GLRB: variants seen among roughly 807,000 people sequenced by gnomAD.
The protein encoded by GLRB is glycine receptor beta, also known as glycine receptor subunit beta.
In GLRB, 33 loss-of-function variants were observed where a neutral mutation model predicts 54.2. The ratio of observed to expected loss-of-function variants is 0.61; its 90% CI spans 0.46 to 0.81. The LOEUF is 0.81. Ranked by LOEUF, GLRB falls within the 40% of genes least tolerant of loss-of-function variation. The probability of loss-of-function intolerance (pLI) is 0.00; values close to 1 mark genes in which losing one functional copy is unlikely to be tolerated. For missense variants in GLRB, 572 were observed against 584.6 expected, an observed-to-expected ratio of 0.98 and a Z score of 0.22; for synonymous variants, 209 against 208.2, an observed-to-expected ratio of 1.00 and a Z score of -0.03.
chr4:157,146,178 A>G lies in GLRB; in HGVS notation c.904+2219A>G, dbSNP rs544117016. ...ATTACAGGCACCCACCACCATGCCC[A>G]GCTAATTTTTGTATTTTTAGTAGAG... is the stretch of plus-strand genomic sequence containing the variant. On this transcript the variant is annotated intron_variant, in intron 8 of 9. Coordinates refer to ENST00000264428, the MANE Select transcript of GLRB (RefSeq NM_000824.5). Among the ~76,000 whole-genome samples the G allele has an allele frequency of 5.6e-3, 852 of 151,886 alleles. 9 individuals carry two copies. The highest frequency in any genetic ancestry group is 8.6e-3 in the Non-Finnish European group (586 of 67,932).
At position 157,152,716 on chromosome 4, in the gene GLRB, A is replaced by T; in HGVS notation, c.905-2A>T. On this transcript the variant is annotated splice_acceptor_variant, in intron 8 of 9. Transcript: ENST00000264428. LOFTEE classifies it high-confidence loss of function. The stretch of plus-strand genomic sequence containing the variant: ...CTTTCATTCCTCTTTCTGTTTCTGT[A>T]GGTATCTTCTCAGTCCTCAGCTTGG... The T allele has an allele frequency of 6.2e-7, 1 of 1,611,980 alleles. No individual in the cohort carries two copies. Among genetic ancestry groups the T allele is most frequent in the Non-Finnish European group, 8.5e-7 (1 of 1,178,124 alleles).
chr4:157,129,001 TAAC>T lies in GLRB; in HGVS notation c.297+6609_297+6611del, dbSNP rs772258738. Among the ~76,000 whole-genome samples the T allele has an allele frequency of 9.9e-5, 15 of 152,010 alleles. No homozygotes were observed. In the South Asian group the frequency reaches 2.1e-3, roughly 21 times the overall value. On this transcript the variant is annotated intron_variant, in intron 4 of 9. Coordinates refer to ENST00000264428, the MANE Select transcript of GLRB (RefSeq NM_000824.5). ...TAAAGATTATATATGTGAGCTATTCTAACAACATTACAAAATATAAACAGTTCT... is the reference window on the plus strand; with the variant it reads ...TAAAGATTATATATGTGAGCTATTCTAACATTACAAAATATAAACAGTTCT...
At chr4:157,123,725 A>G (rs1735914834) in intron 4 of GLRB, among the ~76,000 whole-genome samples, 1 of 151,814 alleles carries the variant, frequency 6.6e-6, no homozygotes, top group South Asian at 2.1e-4. Context: ...AGTAAGAGAT[A>G]TCATTTTCTC....
At chr4:157,110,986 A>T (rs1410598939) in intron 2 of GLRB, among the ~76,000 whole-genome samples, 1 of 152,030 alleles carries the variant, frequency 6.6e-6, no homozygotes, top group African/African-American at 2.4e-5. Context: ...CCCCAAGAAG[A>T]ATCTGGGCAC....
At chr4:157,156,243 T>A (rs76039254) in intron 9 of GLRB, among the ~76,000 whole-genome samples, 191 of 152,300 alleles carry the variant, frequency 1.3e-3, no homozygotes, top group African/African-American at 4.5e-3. Context: ...ATGGGATGTG[T>A]TTCCATTTGT....
At chr4:157,104,424 A>G (rs897360405) in intron 2 of GLRB, among the ~76,000 whole-genome samples, 1 of 152,116 alleles carries the variant, frequency 6.6e-6, no homozygotes, top group Middle Eastern at 3.4e-3. Context: ...GTCATGGTGT[A>G]TGATCCTTTT....
At chr4:157,120,026 A>G (rs1160336716) in intron 2 of GLRB, among the ~76,000 whole-genome samples, 1 of 151,796 alleles carries the variant, frequency 6.6e-6, no homozygotes, top group Non-Finnish European at 1.5e-5. Context: ...AATGTGGCAC[A>G]TATACACCAT....
intron 9 of GLRB, among the ~76,000 whole-genome samples, chr4:157,162,580 T>C (rs61366992): frequency 0.015 from 2,234 of 152,298 alleles, 67 homozygotes; most frequent in African/African-American, 0.051. Context: ...TGCAGGTCTG[T>C]TGGAGTTTGC....
At chr4:157,090,178 G>C (rs1259499375) in intron 2 of GLRB, among the ~76,000 whole-genome samples, 2 of 152,128 alleles carry the variant, frequency 1.3e-5, no homozygotes, top group Non-Finnish European at 2.9e-5. Flanking sequence ...CATGTTTAGG[G>C]ACACAAAGAG....
chr4:157,139,121 G>A (rs1004762412), intron 7 of GLRB, among the ~76,000 whole-genome samples, 172 bp downstream of exon 7: 1 of 152,014 alleles, frequency 6.6e-6, no homozygotes, highest in South Asian at 2.1e-4. Context: ...ATTCACTAGA[G>A]TTTTTTGAAC....
rs565151060 is a variant in GLRB, at chr4:157,080,733, A to G, written c.122+2587A>G. On this transcript the variant is annotated intron_variant, in intron 2 of 9. Transcript: ENST00000264428. The stretch of plus-strand genomic sequence containing the variant: ...AAAACCCAGAAATCAAGTACAGACT[A>G]CCCTAATACTCCTCAGGATGGTAAA... Among the ~76,000 whole-genome samples the G allele has an allele frequency of 5.3e-4, 81 of 152,128 alleles. 1 individual carries two copies. The highest frequency in any genetic ancestry group is 4.9e-3 in the Admixed American group (75 of 15,278).
chr4:157,115,469 T>A (rs1735577217), intron 2 of GLRB, among the ~76,000 whole-genome samples: 1 of 151,764 alleles, frequency 6.6e-6, no homozygotes. Flanking sequence ...AGAAAGGGAA[T>A]CTTCCATCTA....
chr4:157,164,043 T>C (rs1361761693), intron 9 of GLRB, among the ~76,000 whole-genome samples: 1 of 152,194 alleles, frequency 6.6e-6, no homozygotes, highest in Admixed American at 6.5e-5. Flanking sequence ...CTTAACACTT[T>C]CATTGTTGTT....
Position 157,086,157 on chromosome 4 carries a change from T to G in GLRB, c.122+8011T>G, listed in dbSNP as rs1734404937. ...CTCGCCTATTTTGGGAAGGCTTATC[T>G]GCCGTTGTTCCTAATCTTCCCTTGC... On this transcript the variant is annotated intron_variant, in intron 2 of 9. Coordinates refer to ENST00000264428, the MANE Select transcript of GLRB (RefSeq NM_000824.5). Among the ~76,000 whole-genome samples, 3 of 152,204 alleles carry G rather than the reference T, an allele frequency of 2.0e-5. 1 individual carries two copies. The South Asian group carries it at 6.2e-4, about 32-fold the overall frequency.
chr4:157,130,681 C>T (rs1488608684), intron 4 of GLRB, among the ~76,000 whole-genome samples: 1 of 151,510 alleles, frequency 6.6e-6, no homozygotes, highest in Non-Finnish European at 1.5e-5. Context: ...CAGCTTTTGG[C>T]TGCTGTAAAT....
At chr4:157,160,144 A>T (rs1454562354) in intron 9 of GLRB, among the ~76,000 whole-genome samples, 1 of 151,966 alleles carries the variant, frequency 6.6e-6, no homozygotes, top group African/African-American at 2.4e-5. Flanking sequence ...GTATTCTCTG[A>T]TGGTAGTTTG....
intron 8 of GLRB, among the ~76,000 whole-genome samples, chr4:157,146,272 C>A (rs1177311649): frequency 6.6e-6 from 1 of 152,074 alleles, no homozygotes; most frequent in Non-Finnish European, 1.5e-5. Flanking sequence ...GCCTCGACCT[C>A]CCAAAGTGCT....
At chr4:157,094,669 A>G (rs2126462134) in intron 2 of GLRB, among the ~76,000 whole-genome samples, 1 of 152,372 alleles carries the variant, frequency 6.6e-6, no homozygotes, top group South Asian at 2.1e-4. Context: ...GATTAAAATC[A>G]TGATGGTATA....
chr4:157,121,929 G>T (rs1488320971), intron 3 of GLRB, among the ~76,000 whole-genome samples: 1 of 151,296 alleles, frequency 6.6e-6, no homozygotes, highest in African/African-American at 2.4e-5. Flanking sequence ...GTAAGAATTT[G>T]AACTGATTAG....
Sources: gnomAD v4.1 joint callset for allele counts (sites outside exome capture counted in the v4.1 genomes callset) on GRCh38, gnomAD v4.1.1 for gene constraint, MANE v1.5 for transcripts, NCBI Gene and HGNC (gene_info 2026-07-23, HGNC 2026-07-21) for gene names.